IGSF9B: variants seen among roughly 807,000 people sequenced by gnomAD.
The protein encoded by IGSF9B is immunoglobulin superfamily member 9B.
IGSF9B carries 48 observed loss-of-function variants against 143.7 expected under a neutral mutation model. The ratio of observed to expected loss-of-function variants is 0.33; its 90% CI spans 0.26 to 0.42. IGSF9B has a LOEUF of 0.42. Among genes scored for constraint, IGSF9B ranks in the 20% least tolerant of loss-of-function variants. The pLI is 1.00. For synonymous variants in IGSF9B, 903 were observed against 833.1 expected (o/e 1.08, Z -1.44); for missense variants, 1,706 against 1,980.0 (o/e 0.86, Z 2.63).
chr11:133,917,629 G>A (rs949549539), intron 18 of IGSF9B, among the ~76,000 whole-genome samples: 1 of 152,116 alleles, frequency 6.6e-6, no homozygotes, highest in Non-Finnish European at 1.5e-5. Flanking sequence ...ACAGGGGAGT[G>A]ATGACATTTC....
chr11:133,919,626 C>CG (rs1187129751), intron 18 of IGSF9B, 116 bp downstream of exon 18: 6 of 679,440 alleles, frequency 8.8e-6, no homozygotes. Flanking sequence ...GACGCCGGTG[C>CG]GGCATGTCCG....
Position 133,937,938 on chromosome 11 carries a change from G to T in IGSF9B, c.433C>A (p.Pro145Thr), listed in dbSNP as rs994379103. ...INAPPTFTET[P>T]PQYIEAKEGG... is the part of the protein sequence containing the mutation. ...TCCTTGGCCTCGATGTACTGGGGGG[G>T]TGTTTCTGTAAAGGTGGGAGGGGCT... Residue 145 changes from proline to threonine, a missense_variant, in exon 4 of 20, where the codon CCC becomes ACC. Pro to Thr is a conservative substitution (Grantham distance 38, BLOSUM62 -1). Around this residue, in one of 7 missense-constraint regions of IGSF9B, gnomAD observed 171 missense variants for 213.9 expected, o/e 0.80. Coordinates refer to ENST00000533871, the MANE Select transcript of IGSF9B (RefSeq NM_001277285.4). 1.9e-6 allele frequency: 3 copies of T among 1,613,464 alleles called. No individual in the cohort carries two copies.
In IGSF9B at chr11:133,945,522, G is replaced by A. The variant is rs769266155; in HGVS notation, c.262+539C>T. Among the ~76,000 whole-genome samples, 72 of 152,162 alleles carry A rather than the reference G, an allele frequency of 4.7e-4. 1 individual carries two copies. Among genetic ancestry groups the A allele is most frequent in the Non-Finnish European group, 6.6e-4 (45 of 68,026 alleles). On this transcript the variant is annotated intron_variant, in intron 2 of 19. Transcript: ENST00000533871. The surrounding 1 kb of genome is among the most constrained non-coding windows in gnomAD (Gnocchi z 4.6). ...TCCCGCGGGCTGGGGGGCAGGCAGC[G>A]GCAGTGAGTCACGAGGCCTTTGCTG...
chr11:133,904,384 G>A lies in IGSF9B; in HGVS notation c.*4685C>T, dbSNP rs1463924990. On this transcript the variant is annotated 3_prime_UTR_variant, in exon 20 of 20. Coordinates refer to ENST00000533871, the MANE Select transcript of IGSF9B (RefSeq NM_001277285.4). ...AGGAGCCCCCAAAACAAATGAAGTT[G>A]AAATACAATATAAAGAAGATGTCCA... Among the ~76,000 whole-genome samples, 1 of 152,180 alleles carries A rather than the reference G, an allele frequency of 6.6e-6. No homozygotes were observed. Among genetic ancestry groups the A allele is most frequent in the Admixed American group, 6.5e-5 (1 of 15,284 alleles).
rs1939153269 is a variant in IGSF9B, at chr11:133,902,488, A to AC, written c.*6580dup. Among the ~76,000 whole-genome samples, 1 of 148,332 alleles carries AC rather than the reference A, an allele frequency of 6.7e-6. No individual in the cohort carries two copies. Among genetic ancestry groups the AC allele is most frequent in the Non-Finnish European group, 1.5e-5 (1 of 66,860 alleles). On this transcript the variant is annotated 3_prime_UTR_variant, in exon 20 of 20. Coordinates refer to ENST00000533871, the MANE Select transcript of IGSF9B (RefSeq NM_001277285.4). ...GATACACACACCACACACAACACAC[A>AC]CACACACCAGACATGCACACCACAC...
At chr11:133,944,512 C>G in intron 2 of IGSF9B, 146 bp from the exon 3 acceptor site, 1 of 836,646 alleles carries the variant, frequency 1.2e-6, no homozygotes, top group South Asian at 1.7e-5. Flanking sequence ...AGCTGGCACC[C>G]ACCTCCAGCA....
rs1056131216 is a variant in IGSF9B at position 133,928,297 on chromosome 11, G to A, written c.1632-1206C>T. ...CTGGTTAGGGCCCCCACGCTGCTGCGGGAGGAACAGAGTAAGGGGACGGGA... is the reference window on the plus strand; with the variant it reads ...CTGGTTAGGGCCCCCACGCTGCTGCAGGAGGAACAGAGTAAGGGGACGGGA... On this transcript the variant is annotated intron_variant, in intron 12 of 19. Coordinates refer to ENST00000533871, the MANE Select transcript of IGSF9B (RefSeq NM_001277285.4). The surrounding 1 kb of genome is among the most constrained non-coding windows in gnomAD (Gnocchi z 4.7). 2.6e-5 allele frequency among the ~76,000 whole-genome samples: 4 copies of A among 152,114 alleles called. No homozygotes were observed. The highest frequency in any genetic ancestry group is 7.2e-5 in the African/African-American group (3 of 41,420).
At chr11:133,930,369 C>T (rs146969125) in intron 11 of IGSF9B, among the ~76,000 whole-genome samples, 1 of 152,300 alleles carries the variant, frequency 6.6e-6, no homozygotes, top group Non-Finnish European at 1.5e-5. Context: ...TTGTGAAGGA[C>T]GAGCTGTGCA....
chr11:133,924,636 T>G (rs970274032), intron 15 of IGSF9B, among the ~76,000 whole-genome samples, 184 bp downstream of exon 15: 1 of 152,178 alleles, frequency 6.6e-6, no homozygotes, highest in Admixed American at 6.5e-5. Flanking sequence ...CGAAATAGCA[T>G]GCATCATGGA....
At position 133,946,624 on chromosome 11, in the gene IGSF9B, G is replaced by A. The variant is rs539897979; in HGVS notation, c.65-366C>T. ...TGCCCCAAGAATTACAAGGAGTCCA[G>A]GACATGGAGGTGAGGGGCCCGGCCC... On this transcript the variant is annotated intron_variant, in intron 1 of 19. Coordinates refer to ENST00000533871, the MANE Select transcript of IGSF9B (RefSeq NM_001277285.4). 8.5e-5 allele frequency among the ~76,000 whole-genome samples: 13 copies of A among 152,318 alleles called. No individual in the cohort carries two copies. In the South Asian group the frequency reaches 2.5e-3, roughly 29 times the overall value.
chr11:133,937,980 A>G lies in IGSF9B; in HGVS notation c.410-19T>C, dbSNP rs987191481. ...GGAGGGGCTGCAAAGGAGACCACAA[A>G]GATGAAGGACACGCCATCAGCCACA... On this transcript the variant is annotated intron_variant, in intron 3 of 19. Transcript: ENST00000533871. The G allele has an allele frequency of 7.4e-6, 12 of 1,612,346 alleles. No individual in the cohort carries two copies. Among genetic ancestry groups the G allele is most frequent in the Non-Finnish European group, 1.0e-5 (12 of 1,179,092 alleles).
At chr11:133,956,253 T>C (rs1464614017) in intron 1 of IGSF9B, among the ~76,000 whole-genome samples, 2 of 151,942 alleles carry the variant, frequency 1.3e-5, no homozygotes, top group African/African-American at 4.8e-5. Context: ...CGCGCCTCCC[T>C]GCAGGCGCTC....
rs1354615140 is a variant in IGSF9B at position 133,900,960 on chromosome 11, G to C, written c.*8109C>G. 6.6e-6 allele frequency: 1 copy of C among 152,236 alleles called. No homozygotes were observed. The highest frequency in any genetic ancestry group is 2.4e-5 in the African/African-American group (1 of 41,442). The allele number at this position is 152,236 out of a possible 1,614,324, so 9.4% of individuals were successfully genotyped here. On this transcript the variant is annotated 3_prime_UTR_variant, in exon 20 of 20. Coordinates refer to ENST00000533871, the MANE Select transcript of IGSF9B (RefSeq NM_001277285.4). ...TCTCAACCACCCCCTTTCTAATGCT[G>C]TGAAGCCAGGTTTTCTCTGAGGAAC...
chr11:133,936,917 G>A (rs1160687659), intron 5 of IGSF9B, among the ~76,000 whole-genome samples: 3 of 152,210 alleles, frequency 2.0e-5, no homozygotes, highest in African/African-American at 4.8e-5. Flanking sequence ...GGGCAGTCTG[G>A]CATCTCCCTG....
chr11:133,909,751 A>G lies in IGSF9B; in HGVS notation c.4106-474T>C, dbSNP rs569072800. Among the ~76,000 whole-genome samples, 3 of 152,352 alleles carry G rather than the reference A, an allele frequency of 2.0e-5. No homozygotes were observed. The highest frequency in any genetic ancestry group is 7.2e-5 in the African/African-American group (3 of 41,576). On this transcript the variant is annotated intron_variant, in intron 19 of 19. Coordinates refer to ENST00000533871, the MANE Select transcript of IGSF9B (RefSeq NM_001277285.4). This position sits in a 1 kb window ranked among gnomAD's most constrained non-coding sequence, Gnocchi z 4.2. ...ACTGCCTGGGCCTCTCCTCTGCCTCATGGCCCTTCTGGAGATTAATCAGGA... is the reference window on the plus strand; with the variant it reads ...ACTGCCTGGGCCTCTCCTCTGCCTCGTGGCCCTTCTGGAGATTAATCAGGA...
At chr11:133,930,879 C>A in intron 11 of IGSF9B, 105 bp downstream of exon 11, 9 of 1,190,890 alleles carry the variant, frequency 7.6e-6, no homozygotes, top group Non-Finnish European at 1.0e-5. Flanking sequence ...GAAGGGAGCC[C>A]GCAGAGTGCA....
chr11:133,916,790 T>C (rs992241963), intron 18 of IGSF9B, among the ~76,000 whole-genome samples: 1 of 151,992 alleles, frequency 6.6e-6, no homozygotes, highest in African/African-American at 2.4e-5. Flanking sequence ...AGTCTAGGGC[T>C]CCCACACCTC....
At chr11:133,943,482 C>T (rs1186372322) in intron 3 of IGSF9B, among the ~76,000 whole-genome samples, 2 of 152,084 alleles carry the variant, frequency 1.3e-5, no homozygotes, top group African/African-American at 4.8e-5. Context: ...GTGCTGTCAC[C>T]GCTGGGGACT....
chr11:133,906,516 C>T lies in IGSF9B; in HGVS notation c.*2553G>A, dbSNP rs554872710. 2.1e-4 allele frequency among the ~76,000 whole-genome samples: 32 copies of T among 152,288 alleles called. No homozygotes were observed. The East Asian group carries it at 5.2e-3, about 25-fold the overall frequency. On this transcript the variant is annotated 3_prime_UTR_variant, in exon 20 of 20. Transcript: ENST00000533871. ...GACCAGCGAAAAGCACGGCTCCCCGCGTTGGGTCTACGTGCTGAGGTCATG... is the reference window on the plus strand; with the variant it reads ...GACCAGCGAAAAGCACGGCTCCCCGTGTTGGGTCTACGTGCTGAGGTCATG...
Sources: allele counts gnomAD v4.1 joint callset (sites outside exome capture counted in the v4.1 genomes callset), GRCh38; gene constraint gnomAD v4.1.1; regional missense constraint gnomAD v4.1.1; non-coding constraint Gnocchi (gnomAD v3.1); transcripts MANE v1.5; gene names NCBI Gene and HGNC (gene_info 2026-07-23, HGNC 2026-07-21).